The following ZNF177 variants were observed in gnomAD, a reference collection of about 807,000 sequenced individuals.
The protein encoded by ZNF177 is zinc finger protein 177.
Under a neutral mutation model 19.4 loss-of-function variants are expected in ZNF177, and 17 were observed. That is an observed-to-expected ratio of 0.87 (90% CI 0.60 to 1.31). The LOEUF is 1.31. Ranked by LOEUF, ZNF177 falls within the 40% of genes most tolerant of loss-of-function variation. ZNF177 has a pLI of 0.00. For missense variants in ZNF177, 633 were observed against 561.8 expected (o/e 1.13, Z -1.28); for synonymous variants, 220 against 188.7 (o/e 1.17, Z -1.36).
At chr19:9,377,911 G>C (rs2068134408) in intron 1 of ZNF177, among the ~76,000 whole-genome samples, 1 of 152,136 alleles carries the variant, frequency 6.6e-6, no homozygotes. Context: ...TCATCTTGAA[G>C]ATTTCTTAGT....
At chr19:9,366,344 C>T (rs1225472344) in intron 2 of ZNF177, among the ~76,000 whole-genome samples, 1 of 152,018 alleles carries the variant, frequency 6.6e-6, no homozygotes, top group Non-Finnish European at 1.5e-5. Context: ...CCGTGGTGCC[C>T]TCGACCTCCC....
intron 2 of ZNF177, among the ~76,000 whole-genome samples, chr19:9,366,469 C>T (rs1470367345): frequency 6.6e-6 from 1 of 152,062 alleles, no homozygotes; most frequent in African/African-American, 2.4e-5. Context: ...TGTTACCAGG[C>T]TGGTCTGAAC....
intron 1 of ZNF177, 116 bp from the exon 4 acceptor site, chr19:9,378,143 T>C (rs2068138303): frequency 3.3e-6 from 3 of 903,810 alleles, no homozygotes; most frequent in Admixed American, 3.6e-5. Flanking sequence ...AGGAGGCAAA[T>C]TGTAACTACA....
At position 9,378,256 on chromosome 19, in the gene ZNF177, T is replaced by C; in HGVS notation, c.-53-3T>C. 6.2e-7 allele frequency: 1 copy of C among 1,610,138 alleles called. No homozygotes were observed. Among genetic ancestry groups the C allele is most frequent in the Non-Finnish European group, 8.5e-7 (1 of 1,178,246 alleles). Reference sequence around the variant, plus strand: ...CTCTAATGGCTTCTGTGTTCTCCTCTAGCTCTGCCTGCTTAGGACTCTGCC... The same window carrying C: ...CTCTAATGGCTTCTGTGTTCTCCTCCAGCTCTGCCTGCTTAGGACTCTGCC... On this transcript the variant is annotated splice_polypyrimidine_tract_variant and splice_region_variant and intron_variant, in intron 1 of 5. Transcript: ENST00000589262.
chr19:9,378,821 T>C, intron 2 of ZNF177, 141 bp from the exon 5 acceptor site: 1 of 1,310,166 alleles, frequency 7.6e-7, no homozygotes, highest in Non-Finnish European at 1.0e-6. Flanking sequence ...TAAGGCAAAT[T>C]AAGAGAAGGC....
At chr19:9,381,042 T>C (rs771571047) in exon 6 of ZNF177, 14 of 1,602,888 alleles carry the variant, frequency 8.7e-6, no homozygotes, top group Non-Finnish European at 1.1e-5. Context: ...GCAGTGACTA[T>C]GGCAAAATAT....
upstream of ZNF177, chr19:9,371,733 G>C (rs929223951): frequency 2.0e-5 from 3 of 151,976 alleles, no homozygotes; most frequent in Non-Finnish European, 4.4e-5. Flanking sequence ...GGGGGCTTAT[G>C]ATACTTCTAG....
In ZNF177 at chr19:9,376,920, C is replaced by G. The variant is rs2068117463; in HGVS notation, c.-54+497C>G. Among the ~76,000 whole-genome samples, 3 of 152,156 alleles carry G rather than the reference C, an allele frequency of 2.0e-5. No homozygotes were observed. In the South Asian group the frequency reaches 6.2e-4, roughly 32 times the overall value. ...GTTACTAAGTGTCCTTTCTTTTAAG[C>G]TGAAGAATTTACTATTTCCTATAAA... On this transcript the variant is annotated intron_variant, in intron 1 of 5. Transcript: ENST00000589262.
upstream of ZNF177, among the ~76,000 whole-genome samples, chr19:9,375,305 T>TA (rs1189410628): frequency 6.6e-6 from 1 of 152,174 alleles, no homozygotes; most frequent in Non-Finnish European, 1.5e-5. Flanking sequence ...TTTTTGCTCT[T>TA]ACAGTGTTTG....
chr19:9,381,371 A>G, exon 6 of ZNF177: 1 of 1,614,112 alleles, frequency 6.2e-7, no homozygotes, highest in Non-Finnish European at 8.5e-7. Flanking sequence ...GAATGTGGGA[A>G]GGCTTTCACT....
intron 2 of ZNF177, among the ~76,000 whole-genome samples, chr19:9,371,271 C>T (rs990367971): frequency 6.6e-6 from 1 of 151,994 alleles, no homozygotes; most frequent in African/African-American, 2.4e-5. Context: ...TAACAGGGTC[C>T]CAACATTTTT....
At chr19:9,367,069 C>G (rs1456119395) in intron 2 of ZNF177, among the ~76,000 whole-genome samples, 2 of 152,156 alleles carry the variant, frequency 1.3e-5, no homozygotes, top group Non-Finnish European at 2.9e-5. Context: ...GCCTGTAATC[C>G]CAGCACTTTG....
intron 4 of ZNF177, 97 bp downstream of exon 6, chr19:9,379,716 C>A: frequency 7.3e-7 from 1 of 1,373,252 alleles, no homozygotes; most frequent in Admixed American, 2.5e-5. Context: ...GAGGCCATGA[C>A]ATGAGCTTCC....
exon 6 of ZNF177, chr19:9,380,828 A>T: frequency 1.3e-6 from 2 of 1,536,104 alleles, no homozygotes; most frequent in Non-Finnish European, 1.7e-6. Context: ...CTTAGGAGTC[A>T]TGTGAGCATT....
At chr19:9,381,191 G>A (rs2068194426) in exon 6 of ZNF177, 1 of 1,614,162 alleles carries the variant, frequency 6.2e-7, no homozygotes, top group Non-Finnish European at 8.5e-7. Flanking sequence ...TATGAATGCA[G>A]TGACTGTGGG....
At chr19:9,378,762 G>T in intron 2 of ZNF177, 200 bp from the exon 5 acceptor site, 1 of 806,690 alleles carries the variant, frequency 1.2e-6, no homozygotes, top group Admixed American at 3.3e-5. Flanking sequence ...GACCCTGAAT[G>T]AGATGGCCCA....
upstream of ZNF177, among the ~76,000 whole-genome samples, chr19:9,375,248 A>G (rs2122531694): frequency 6.6e-6 from 1 of 152,182 alleles, no homozygotes; most frequent in East Asian, 1.9e-4. Flanking sequence ...CTAGTATTTT[A>G]TTGAGGAGTT....
chr19:9,382,544 G>A, downstream of ZNF177: 1 of 396,592 alleles, frequency 2.5e-6, no homozygotes, highest in Admixed American at 4.4e-5. Context: ...ACTCTTGTGG[G>A]AAGTTCCTCT....
exon 6 of ZNF177, chr19:9,381,457 G>A (rs2068200357): frequency 1.2e-6 from 2 of 1,611,506 alleles, no homozygotes; most frequent in African/African-American, 1.3e-5. Context: ...CTGTGGAAAA[G>A]CCTTCATCGA....
Sources: allele counts gnomAD v4.1 joint callset (sites outside exome capture counted in the v4.1 genomes callset), GRCh38; gene constraint gnomAD v4.1.1; transcripts MANE v1.5; gene names NCBI Gene and HGNC (gene_info 2026-07-23, HGNC 2026-07-21).